Variants in LPP observed in about 807,000 individuals in gnomAD.
LPP encodes LIM domain containing preferred translocation partner in lipoma.
A neutral mutation model predicts 60.4 loss-of-function variants in LPP; 38 were observed. That is an observed-to-expected ratio of 0.63 (90% CI 0.49 to 0.83). The LOEUF is 0.83. Among genes scored for constraint, LPP ranks in the 40% least tolerant of loss-of-function variants. The pLI is 0.00. For missense variants in LPP, 902 were observed against 783.6 expected (o/e 1.15, Z -1.80); for synonymous variants, 328 against 290.8 (o/e 1.13, Z -1.30).
chr3:188,604,444 T>C (rs1344326654), intron 6 of LPP, among the ~76,000 whole-genome samples: 3 of 152,076 alleles, frequency 2.0e-5, no homozygotes, highest in African/African-American at 7.2e-5. Context: ...CTTACACATA[T>C]AGTATGGCCA....
At chr3:188,836,860 T>A (rs1040722560) in intron 9 of LPP, among the ~76,000 whole-genome samples, 1 of 152,178 alleles carries the variant, frequency 6.6e-6, no homozygotes, top group African/African-American at 2.4e-5. Context: ...TAACTTTGTG[T>A]TCATGTGGCA....
intron 2 of LPP, among the ~76,000 whole-genome samples, chr3:188,317,346 C>T (rs914803779): frequency 2.6e-5 from 4 of 151,840 alleles, no homozygotes; most frequent in African/African-American, 7.3e-5. Flanking sequence ...GCAGGGCATC[C>T]TAGAACCTTG....
intron 6 of LPP, among the ~76,000 whole-genome samples, chr3:188,536,151 G>A (rs1823558286): frequency 6.6e-6 from 1 of 152,056 alleles, no homozygotes; most frequent in South Asian, 2.1e-4. Context: ...TGGGATTACA[G>A]GGATGTGCCA....
At chr3:188,368,818 T>C (rs989974969) in intron 3 of LPP, among the ~76,000 whole-genome samples, 1 of 152,058 alleles carries the variant, frequency 6.6e-6, no homozygotes, top group African/African-American at 2.4e-5. Context: ...ACCTCGAATG[T>C]CTTCTTTTCT....
intron 3 of LPP, among the ~76,000 whole-genome samples, chr3:188,378,403 TG>T (rs1296869638): frequency 6.6e-6 from 1 of 152,154 alleles, no homozygotes; most frequent in African/African-American, 2.4e-5. Flanking sequence ...AACAACTAAC[TG>T]GGCAATGGCA....
rs555240532 is a variant in LPP at position 188,888,176 on chromosome 3, T to C, written c.*13697T>C. 5.0e-5 allele frequency: 11 copies of C among 218,610 alleles called. No individual in the cohort carries two copies. Among genetic ancestry groups the C allele is most frequent in the Non-Finnish European group, 9.2e-5 (10 of 108,654 alleles). 13.5% of individuals were successfully genotyped at this position (218,610 alleles called of 1,614,324 possible). A position where few individuals can be genotyped will look rare whatever the true frequency, so the allele number is the denominator to read the frequency against. ...GTCTTTTAACCTACACCTTTATCAT[T>C]ACTCTAACAGATTTAGGGCTTCTCT... On this transcript the variant is annotated 3_prime_UTR_variant, in exon 12 of 12. Coordinates refer to ENST00000617246, the MANE Select transcript of LPP (RefSeq NM_001375462.1).
rs141303536 is a variant in LPP, at chr3:188,334,332, G to A, written c.-66-7331G>A. Among the ~76,000 whole-genome samples, 99 of 151,398 alleles carry A rather than the reference G, an allele frequency of 6.5e-4. 1 individual carries two copies. Among genetic ancestry groups the A allele is most frequent in the African/African-American group, 2.3e-3 (94 of 41,274 alleles). ...TATAATTAGTGCTGCAATAAACATG[G>A]GAATGCAGATATCTTATTGAAAATG... On this transcript the variant is annotated intron_variant, in intron 2 of 11. Coordinates refer to ENST00000617246, the MANE Select transcript of LPP (RefSeq NM_001375462.1).
At chr3:188,355,673 T>A (rs1219083630) in intron 3 of LPP, among the ~76,000 whole-genome samples, 3 of 152,180 alleles carry the variant, frequency 2.0e-5, no homozygotes, top group Admixed American at 6.5e-5. Flanking sequence ...TGTCACAATA[T>A]TTAACCCAAA....
At chr3:188,524,883 C>A in intron 6 of LPP, 96 bp downstream of exon 6, 1 of 220,968 alleles carries the variant, frequency 4.5e-6, no homozygotes. Flanking sequence ...ATTTCCCCTT[C>A]CTTCCTTCCG....
intron 2 of LPP, among the ~76,000 whole-genome samples, chr3:188,313,832 T>C (rs145292114): frequency 3.3e-5 from 5 of 152,274 alleles, no homozygotes; most frequent in African/African-American, 1.2e-4. Flanking sequence ...TTTCTTCATG[T>C]AGACCGTGCC....
At chr3:188,338,341 C>T (rs1011608512) in intron 2 of LPP, among the ~76,000 whole-genome samples, 3 of 152,188 alleles carry the variant, frequency 2.0e-5, no homozygotes, top group Non-Finnish European at 2.9e-5. Context: ...TATTTGTCAT[C>T]TAATTCCTTT....
intron 6 of LPP, among the ~76,000 whole-genome samples, chr3:188,533,461 G>A (rs1191711513): frequency 6.6e-6 from 1 of 152,068 alleles, no homozygotes; most frequent in Non-Finnish European, 1.5e-5. Context: ...AAGAAAATAG[G>A]TGTGGATAGT....
chr3:188,687,667 G>A (rs1861087979), intron 7 of LPP, among the ~76,000 whole-genome samples: 1 of 151,940 alleles, frequency 6.6e-6, no homozygotes, highest in Non-Finnish European at 1.5e-5. Context: ...ATAGCAGTGT[G>A]AAAATGGAGT....
intron 5 of LPP, among the ~76,000 whole-genome samples, chr3:188,503,996 G>A (rs554213571): frequency 6.6e-5 from 10 of 152,242 alleles, no homozygotes; most frequent in South Asian, 4.1e-4. Context: ...ATTTGGGGGA[G>A]TTTTTGGTGA....
At chr3:188,842,849 G>T (rs1760380928) in intron 9 of LPP, among the ~76,000 whole-genome samples, 1 of 152,086 alleles carries the variant, frequency 6.6e-6, no homozygotes, top group Non-Finnish European at 1.5e-5. Flanking sequence ...ACCCAAGAAA[G>T]TTCCCTTAAG....
rs542792309 is a variant in LPP, at chr3:188,887,356, A to T, written c.*12877A>T. On this transcript the variant is annotated 3_prime_UTR_variant, in exon 12 of 12. Coordinates refer to ENST00000617246, the MANE Select transcript of LPP (RefSeq NM_001375462.1). The stretch of plus-strand genomic sequence containing the variant: ...CTTTGGGTGACAGCAATGCTCACTT[A>T]GTAATTATAAACTGGAAATAGGAGA... 5.1e-5 allele frequency: 11 copies of T among 216,692 alleles called. No homozygotes were observed. Among genetic ancestry groups the T allele is most frequent in the Non-Finnish European group, 9.3e-5 (10 of 107,608 alleles). The allele number at this position is 216,692 out of a possible 1,614,324, so 13.4% of individuals were successfully genotyped here.
intron 3 of LPP, among the ~76,000 whole-genome samples, chr3:188,387,148 G>A (rs1422411651): frequency 6.6e-6 from 1 of 151,962 alleles, no homozygotes; most frequent in African/African-American, 2.4e-5. Flanking sequence ...TCTTAAACTT[G>A]TACAAGTGAA....
At chr3:188,546,958 A>T (rs1826809002) in intron 6 of LPP, among the ~76,000 whole-genome samples, 1 of 152,206 alleles carries the variant, frequency 6.6e-6, no homozygotes, top group East Asian at 1.9e-4. Flanking sequence ...CTCACACCAC[A>T]AGGGACTTCT....
intron 2 of LPP, among the ~76,000 whole-genome samples, chr3:188,315,049 G>A (rs1754633315): frequency 6.6e-6 from 1 of 150,822 alleles, no homozygotes; most frequent in Non-Finnish European, 1.5e-5. Flanking sequence ...TTGGAGTGAA[G>A]AATGTGTTTG....
Sources: gnomAD v4.1 joint callset for allele counts (sites outside exome capture counted in the v4.1 genomes callset) on GRCh38, gnomAD v4.1.1 for gene constraint, MANE v1.5 for transcripts, NCBI Gene and HGNC (gene_info 2026-07-23, HGNC 2026-07-21) for gene names.